The following DOCK6 variants were observed in gnomAD, a reference collection of about 807,000 sequenced individuals.
The protein encoded by DOCK6 is dedicator of cytokinesis 6, also known as dedicator of cytokinesis protein 6.
DOCK6 carries 167 observed loss-of-function variants against 230.3 expected under a neutral mutation model. The ratio of observed to expected loss-of-function variants is 0.73; its 90% CI spans 0.64 to 0.82. The LOEUF is 0.82. Among genes scored for constraint, DOCK6 ranks in the 40% least tolerant of loss-of-function variants. The pLI, the probability that DOCK6 is intolerant of heterozygous loss-of-function variation, is 0.00. For synonymous variants in DOCK6, 1,148 were observed against 1,185.0 expected (o/e 0.97, Z 0.64); for missense variants, 2,598 against 2,825.8 (o/e 0.92, Z 1.83).
chr19:11,224,214 CTTTTTTTT>C (rs1555691471), intron 24 of DOCK6, among the ~76,000 whole-genome samples: 2 of 142,114 alleles, frequency 1.4e-5, no homozygotes, highest in African/African-American at 5.2e-5. Flanking sequence ...TTCTTTCTTT[CTTTTTTTT>C]TTTTTTGAGA....
Position 11,243,160 on chromosome 19 carries a change from G to A in DOCK6, c.1387-8C>T. 7 of 1,613,382 alleles carry A rather than the reference G, an allele frequency of 4.3e-6. No individual in the cohort carries two copies. Among genetic ancestry groups the A allele is most frequent in the Non-Finnish European group, 5.9e-6 (7 of 1,179,388 alleles). ...ACTGAGTCGCTCAGCCTCCTACATG[G>A]GACCCACTCCCGTCAGCCTGGGCCA... On this transcript the variant is annotated splice_polypyrimidine_tract_variant and splice_region_variant and intron_variant, in intron 12 of 47. Transcript: ENST00000294618. The surrounding 1 kb of genome is among the most constrained non-coding windows in gnomAD (Gnocchi z 6.3).
At chr19:11,218,313 A>C (rs1043334217) in intron 28 of DOCK6, among the ~76,000 whole-genome samples, 3 of 151,906 alleles carry the variant, frequency 2.0e-5, no homozygotes, top group African/African-American at 7.3e-5. Context: ...TGCATGGCTA[A>C]TTTTTGTATT....
At position 11,202,105 on chromosome 19, in the gene DOCK6, A is replaced by G; in HGVS notation, c.5472T>C (p.Tyr1824=). Residue 1824 remains tyrosine, a synonymous_variant, in exon 44 of 48, where the codon TAT becomes TAC. Coordinates refer to ENST00000294618, the MANE Select transcript of DOCK6 (RefSeq NM_020812.4). The surrounding 1 kb of genome is among the most constrained non-coding windows in gnomAD (Gnocchi z 5.3). ...DSQKAYIQIT[Y]VEPYFDTYEL... Reference sequence around the variant, plus strand: ...CGTAGGTATCAAAGTACGGTTCCACATACGTGATCTGGATGTAGGCCTGGG... The same window carrying G: ...CGTAGGTATCAAAGTACGGTTCCACGTACGTGATCTGGATGTAGGCCTGGG... 6.2e-7 allele frequency: 1 copy of G among 1,614,010 alleles called. No homozygotes were observed. Among genetic ancestry groups the G allele is most frequent in the South Asian group, 1.1e-5 (1 of 91,080 alleles).
intron 22 of DOCK6, among the ~76,000 whole-genome samples, chr19:11,230,597 G>C (rs1331022144): frequency 7.6e-6 from 1 of 132,422 alleles, no homozygotes; most frequent in Non-Finnish European, 1.7e-5. Context: ...GACCGAGTCA[G>C]TGAGTCTAGA....
At chr19:11,212,284 C>T in intron 35 of DOCK6, 133 bp from the exon 36 acceptor site, 2 of 1,047,006 alleles carry the variant, frequency 1.9e-6, no homozygotes, top group Non-Finnish European at 2.7e-6. Context: ...CTCTGTCGCC[C>T]AGGCTGGAGT....
intron 1 of DOCK6, among the ~76,000 whole-genome samples, chr19:11,255,629 G>A (rs906261237): frequency 7.2e-5 from 11 of 152,100 alleles, no homozygotes; most frequent in Non-Finnish European, 1.5e-4. Flanking sequence ...GCCCAAATCT[G>A]CTGAGTGAGG....
At chr19:11,203,918 G>A in intron 41 of DOCK6, 163 bp downstream of exon 41, 2 of 929,098 alleles carry the variant, frequency 2.2e-6, no homozygotes, top group Non-Finnish European at 3.2e-6. Flanking sequence ...GGCATTTTTG[G>A]GGAAGGGAGG....
chr19:11,253,800 G>A, intron 1 of DOCK6, 74 bp from the exon 2 acceptor site: 8 of 1,076,216 alleles, frequency 7.4e-6, no homozygotes, highest in Non-Finnish European at 1.1e-5. Context: ...TTTCTATGAG[G>A]AAAATCCAGA....
chr19:11,214,489 T>A (rs181269909), intron 33 of DOCK6, 64 bp downstream of exon 33: 1 of 1,613,034 alleles, frequency 6.2e-7, no homozygotes, highest in South Asian at 1.1e-5. Context: ...GATTATGGAG[T>A]CAGAGACCAC....
At chr19:11,247,779 C>A in intron 7 of DOCK6, 1 of 332,190 alleles carries the variant, frequency 3.0e-6, no homozygotes, top group Non-Finnish European at 5.7e-6. Context: ...CTCTGTGCCT[C>A]AGTTTCCCCA....
At chr19:11,233,069 T>C in intron 22 of DOCK6, 134 bp downstream of exon 22, 1 of 1,261,830 alleles carries the variant, frequency 7.9e-7, no homozygotes, top group Non-Finnish European at 1.1e-6. Context: ...AGCCCAACTC[T>C]GCTGCCCAGA....
chr19:11,202,064 A>G lies in DOCK6; in HGVS notation c.5513T>C (p.Val1838Ala). Residue 1838 changes from valine to alanine, a missense_variant, in exon 44 of 48, where the codon GTG becomes GCG. Physicochemically the swap from Val to Ala is moderately conservative, Grantham distance 64. Transcript: ENST00000294618. The surrounding 1 kb of genome is among the most constrained non-coding windows in gnomAD (Gnocchi z 5.3). ...YFDTYELKDR[V>A]TYFDRNYGLR... ...CCCATAGTTGCGGTCAAAGTAGGTC[A>G]CCCGGTCCTTGAGCTCGTAGGTATC... The G allele has an allele frequency of 6.2e-7, 1 of 1,613,938 alleles. No individual in the cohort carries two copies. Among genetic ancestry groups the G allele is most frequent in the Non-Finnish European group, 8.5e-7 (1 of 1,179,898 alleles).
Position 11,202,474 on chromosome 19 carries a change from T to C in DOCK6, c.5371A>G (p.Thr1791Ala). Residue 1791 changes from threonine to alanine, a missense_variant, in exon 43 of 48, where the codon ACG becomes GCG. Thr to Ala is a moderately conservative substitution (Grantham distance 58). Transcript: ENST00000294618. This position sits in a 1 kb window ranked among gnomAD's most constrained non-coding sequence, Gnocchi z 5.3. ...ACGACGTCGTCGCCAAATCTCTCCGTGTAGAACTCCTGGAGACACAGGGCT... is the reference window on the plus strand; with the variant it reads ...ACGACGTCGTCGCCAAATCTCTCCGCGTAGAACTCCTGGAGACACAGGGCT... ...EISHRLEEFYTERFGDDVVEI... is the reference protein window; with the variant it reads ...EISHRLEEFYAERFGDDVVEI... 2 of 1,613,408 alleles carry C rather than the reference T, an allele frequency of 1.2e-6. No individual in the cohort carries two copies. The highest frequency in any genetic ancestry group is 1.7e-6 in the Non-Finnish European group (2 of 1,179,592).
intron 39 of DOCK6, among the ~76,000 whole-genome samples, chr19:11,206,960 G>A (rs960941471): frequency 2.0e-5 from 3 of 151,744 alleles, no homozygotes; most frequent in Admixed American, 1.3e-4. Flanking sequence ...GTCTCATCCC[G>A]AGTAGCTGGG....
chr19:11,200,187 G>A lies in DOCK6; in HGVS notation c.6101+121C>T. 8 of 987,130 alleles carry A rather than the reference G, an allele frequency of 8.1e-6. No individual in the cohort carries two copies. The highest frequency in any genetic ancestry group is 4.1e-5 in the South Asian group (2 of 49,302). The allele number at this position is 987,130 out of a possible 1,614,324, so 61.1% of individuals were successfully genotyped here. ...AAAAAAAAACCGGAAACAAAACAAA[G>A]TCCAAGCTACCAGCAAACATGTTGC... is the stretch of plus-strand genomic sequence containing the variant. On this transcript the variant is annotated intron_variant, in intron 47 of 47. Transcript: ENST00000294618. The surrounding 1 kb of genome is among the most constrained non-coding windows in gnomAD (Gnocchi z 4.3).
intron 1 of DOCK6, among the ~76,000 whole-genome samples, chr19:11,261,312 C>T (rs143633058): frequency 1.8e-4 from 27 of 152,262 alleles, no homozygotes; most frequent in African/African-American, 6.3e-4. Flanking sequence ...TCCAGGCCTT[C>T]CTGACCCACC....
At position 11,222,732 on chromosome 19, in the gene DOCK6, C is replaced by T. The variant is rs2079599644; in HGVS notation, c.3240+3G>A. 14 of 1,563,926 alleles carry T rather than the reference C, an allele frequency of 9.0e-6. No homozygotes were observed. The highest frequency in any genetic ancestry group is 1.2e-5 in the South Asian group (1 of 85,238). ...AGAGGAGGCAGAAGTGAAGGCAGCCCACCTGGGAGGTGGTGGAGGACACAG... is the reference window on the plus strand; with the variant it reads ...AGAGGAGGCAGAAGTGAAGGCAGCCTACCTGGGAGGTGGTGGAGGACACAG... On this transcript the variant is annotated splice_donor_region_variant and intron_variant, in intron 26 of 47. Transcript: ENST00000294618. This position sits in a 1 kb window ranked among gnomAD's most constrained non-coding sequence, Gnocchi z 4.0.
rs561842017 is a variant in DOCK6 at position 11,217,936 on chromosome 19, C to T, written c.3551-545G>A. The stretch of plus-strand genomic sequence containing the variant: ...GCCTGATCTCAGCTCACTGCAACCT[C>T]CGCCCCCCAGGTTCAAGCAATTCTC... On this transcript the variant is annotated intron_variant, in intron 28 of 47. Transcript: ENST00000294618. Among the ~76,000 whole-genome samples the T allele has an allele frequency of 2.0e-5, 3 of 151,972 alleles. No individual in the cohort carries two copies. In the South Asian group the frequency reaches 6.3e-4, roughly 32 times the overall value.
In DOCK6 at chr19:11,252,226, A is replaced by G; in HGVS notation, c.400T>C (p.Tyr134His). The G allele has an allele frequency of 6.3e-7, 1 of 1,584,554 alleles. No homozygotes were observed. The highest frequency in any genetic ancestry group is 1.1e-5 in the South Asian group (1 of 87,010). ...HRRYQYLSAAYSPVTTDTQRE... is the reference protein window; with the variant it reads ...HRRYQYLSAAHSPVTTDTQRE... ...TGTGTGTCTGTGGTGACGGGGCTGT[A>G]TGCTGCACTCAGGTACTGATACCTA... Residue 134 changes from tyrosine to histidine, a missense_variant, in exon 5 of 48, where the codon TAC (tyrosine) becomes CAC (histidine). Tyr to His is a moderately conservative substitution (Grantham distance 83). Transcript: ENST00000294618.
Sources: gnomAD v4.1 joint callset for allele counts (sites outside exome capture counted in the v4.1 genomes callset) on GRCh38, gnomAD v4.1.1 for gene constraint, Gnocchi (gnomAD v3.1) non-coding constraint, MANE v1.5 for transcripts, NCBI Gene and HGNC (gene_info 2026-07-23, HGNC 2026-07-21) for gene names.